Variants in LRRC75B observed in about 807,000 individuals in gnomAD.
LRRC75B encodes the protein leucine rich repeat containing 75B.
LRRC75B carries 20 observed loss-of-function variants against 16.5 expected under a neutral mutation model. The observed-to-expected ratio is 1.21, with a 90% CI of 0.85 to 1.76. LRRC75B has a LOEUF of 1.76. Ranked by LOEUF, LRRC75B falls within the 40% of genes most tolerant of loss-of-function variation. The pLI, the probability that LRRC75B is intolerant of heterozygous loss-of-function variation, is 0.00. For synonymous variants in LRRC75B, 199 were observed against 198.1 expected, an observed-to-expected ratio of 1.00 and a Z score of -0.04; for missense variants, 406 against 417.0, an observed-to-expected ratio of 0.97 and a Z score of 0.23.
Position 24,585,849 on chromosome 22 carries a change from T to G in LRRC75B, c.*37A>C. ...GCCCACTATCATGTGCTTGAGAGCA[T>G]CACAAGTCAGTAGCAATGAGCCAGG... On this transcript the variant is annotated 3_prime_UTR_variant, in exon 4 of 4. Coordinates refer to ENST00000318753, the MANE Select transcript of LRRC75B (RefSeq NM_207644.3). 1 of 1,522,228 alleles carries G rather than the reference T, an allele frequency of 6.6e-7. No homozygotes were observed. Among genetic ancestry groups the G allele is most frequent in the Non-Finnish European group, 8.8e-7 (1 of 1,136,388 alleles). 94.3% of individuals were successfully genotyped at this position (1,522,228 alleles called of 1,614,324 possible). A position where few individuals can be genotyped will look rare whatever the true frequency, so the allele number is the denominator to read the frequency against.
At position 24,592,961 on chromosome 22, in the gene LRRC75B, G is replaced by A. The variant is rs1385485314; in HGVS notation, c.79C>T (p.Pro27Ser). The change falls in exon 1 of 4, where the codon CCC becomes TCC. Residue 27 changes from proline to serine, a missense_variant. Coordinates refer to ENST00000318753, the MANE Select transcript of LRRC75B (RefSeq NM_207644.3). ...AGCCACCGCACCCGGCGCTCGTAGG[G>A]CGCGGGCCCGCAGCCGGCCGCCGCC... ...AGAAAGCGPA[P>S]YERRVRWLRE... 5.9e-6 allele frequency: 7 copies of A among 1,191,518 alleles called. No individual in the cohort carries two copies. Among genetic ancestry groups the A allele is most frequent in the South Asian group, 7.9e-5 (2 of 25,430 alleles). The allele number at this position is 1,191,518 out of a possible 1,614,324, so 73.8% of individuals were successfully genotyped here.
chr22:24,591,100 A>G (rs1243028299), intron 1 of LRRC75B, among the ~76,000 whole-genome samples: 1 of 152,178 alleles, frequency 6.6e-6, no homozygotes, highest in Non-Finnish European at 1.5e-5. Context: ...TTGTTTTGAG[A>G]CGGAGTTTTG....
At chr22:24,592,631 C>G in intron 1 of LRRC75B, 3 of 619,278 alleles carry the variant, frequency 4.8e-6, no homozygotes, top group Admixed American at 6.9e-5. Flanking sequence ...TCCACACGGT[C>G]CGCCGACCTC....
At chr22:24,589,344 G>C (rs1368578236) in intron 2 of LRRC75B, 1 of 1,146,562 alleles carries the variant, frequency 8.7e-7, no homozygotes, top group African/African-American at 1.7e-5. Context: ...GCTGTTGTAG[G>C]GGAAAGCAGT....
At chr22:24,587,332 A>G (rs1471045989) in intron 3 of LRRC75B, among the ~76,000 whole-genome samples, 1 of 152,176 alleles carries the variant, frequency 6.6e-6, no homozygotes, top group East Asian at 1.9e-4. Flanking sequence ...TCAGAGACTG[A>G]GAAGGACCCC....
intron 2 of LRRC75B, 121 bp from the exon 3 acceptor site, chr22:24,588,450 C>G (rs778285258): frequency 6.0e-6 from 5 of 828,104 alleles, no homozygotes; most frequent in Admixed American, 4.3e-5. Flanking sequence ...CATGCATCAC[C>G]GAGTTGCCCA....
In LRRC75B at chr22:24,589,821, C is replaced by G. The variant is rs369171275; in HGVS notation, c.306G>C (p.Lys102Asn). 7.1e-5 allele frequency: 114 copies of G among 1,612,006 alleles called. No individual in the cohort carries two copies. In the African/African-American group the frequency reaches 1.3e-3, roughly 19 times the overall value. Residue 102 changes from lysine to asparagine, a missense_variant and splice_region_variant, in exon 2 of 4, where the codon AAG (lysine) becomes AAC (asparagine). Lys to Asn is a moderately conservative substitution (Grantham distance 94, BLOSUM62 0). Transcript: ENST00000318753. ...NLARDLQCPK[K>N]DYELWKSSDK... is the part of the protein sequence containing the mutation. ...CAGGGCCCGTGCCTGCCAGCCTCAC[C>G]TTCTTGGGGCACTGCAGGTCCCGGG...
chr22:24,585,739 G>T lies in LRRC75B; in HGVS notation c.*147C>A. On this transcript the variant is annotated 3_prime_UTR_variant, in exon 4 of 4. Transcript: ENST00000318753. ...CAGGGCTGGCCACCTGGCCACCTATGAGTCCATTCTTCTGTCCCCTTAATC... is the reference window on the plus strand; with the variant it reads ...CAGGGCTGGCCACCTGGCCACCTATTAGTCCATTCTTCTGTCCCCTTAATC... 1 of 950,234 alleles carries T rather than the reference G, an allele frequency of 1.1e-6. No individual in the cohort carries two copies. The highest frequency in any genetic ancestry group is 1.5e-6 in the Non-Finnish European group (1 of 657,438). 58.9% of individuals were successfully genotyped at this position (950,234 alleles called of 1,614,324 possible).
At chr22:24,587,430 A>G (rs1044999488) in intron 3 of LRRC75B, among the ~76,000 whole-genome samples, 4 of 152,184 alleles carry the variant, frequency 2.6e-5, no homozygotes, top group African/African-American at 7.2e-5. Flanking sequence ...GACAGCAGTG[A>G]GCACACCCTC....
chr22:24,590,044 G>A, intron 1 of LRRC75B, 95 bp from the exon 2 acceptor site: 1 of 1,371,682 alleles, frequency 7.3e-7, no homozygotes, highest in Non-Finnish European at 9.7e-7. Context: ...GCCCGTTCCT[G>A]TCTCTCCATC....
At chr22:24,591,344 G>C (rs1353125411) in intron 1 of LRRC75B, among the ~76,000 whole-genome samples, 1 of 152,240 alleles carries the variant, frequency 6.6e-6, no homozygotes. Context: ...CTCCCAAAGT[G>C]CTGGGATTAT....
Position 24,587,297 on chromosome 22 carries a change from G to A in LRRC75B, c.423-886C>T, listed in dbSNP as rs377508743. Among the ~76,000 whole-genome samples the A allele has an allele frequency of 5.9e-5, 9 of 152,280 alleles. No homozygotes were observed. In the South Asian group the frequency reaches 6.2e-4, roughly 11 times the overall value. ...GGCCGGCCATGAGGGAGGGCTCCCC[G>A]TGTTTTCTCAGTTAGAAGGGAAGTT... On this transcript the variant is annotated intron_variant, in intron 3 of 3. Transcript: ENST00000318753.
chr22:24,586,270 G>T lies in LRRC75B; in HGVS notation c.564C>A (p.Ser188Arg). Reference sequence around the variant, plus strand: ...GCAGCTCATCACTCAGCCCCGTGAAGCTCAGGTCCAGCACCGCCAGCACAG... The same window carrying T: ...GCAGCTCATCACTCAGCCCCGTGAATCTCAGGTCCAGCACCGCCAGCACAG... ...HGAVLAVLDL[S>R]FTGLSDELLH... Residue 188 changes from serine (S) to arginine (R), a missense_variant, in exon 4 of 4, where the codon AGC becomes AGA. Physicochemically the swap from Ser to Arg is moderately radical, Grantham distance 110. Transcript: ENST00000318753. The T allele has an allele frequency of 6.2e-7, 1 of 1,613,896 alleles. No individual in the cohort carries two copies. The highest frequency in any genetic ancestry group is 8.5e-7 in the Non-Finnish European group (1 of 1,180,042).
intron 1 of LRRC75B, 64 bp from the exon 2 acceptor site, chr22:24,590,013 A>AGATGG: frequency 2.0e-6 from 3 of 1,478,828 alleles, no homozygotes; most frequent in Middle Eastern, 3.6e-4. Flanking sequence ...GCACCACCCC[A>AGATGG]GCCAGCCAGA....
intron 1 of LRRC75B, 49 bp downstream of exon 1, chr22:24,592,814 C>T (rs1278875767): frequency 1.3e-5 from 16 of 1,268,252 alleles, no homozygotes; most frequent in Non-Finnish European, 1.6e-5. Context: ...CCCAGACCCC[C>T]AGACCCTCCC....
rs2045390882 is a variant in LRRC75B at position 24,586,293 on chromosome 22, C to T, written c.541G>A (p.Val181Met). The T allele has an allele frequency of 6.2e-7, 1 of 1,614,006 alleles. No individual in the cohort carries two copies. The highest frequency in any genetic ancestry group is 1.3e-5 in the African/African-American group (1 of 75,072). Reference sequence around the variant, plus strand: ...AAGCTCAGGTCCAGCACCGCCAGCACAGCACCATGGCTGCTCAGGTAGCGT... The same window carrying T: ...AAGCTCAGGTCCAGCACCGCCAGCATAGCACCATGGCTGCTCAGGTAGCGT... ...ITRYLSSHGAVLAVLDLSFTG... is the reference protein window; with the variant it reads ...ITRYLSSHGAMLAVLDLSFTG... Residue 181 changes from valine (V) to methionine (M), a missense_variant, in exon 4 of 4, where the codon GTG becomes ATG. Transcript: ENST00000318753.
chr22:24,591,450 A>T (rs2045564457), intron 1 of LRRC75B, among the ~76,000 whole-genome samples: 2 of 152,192 alleles, frequency 1.3e-5, no homozygotes, highest in Admixed American at 1.3e-4. Flanking sequence ...TCTAGACCCC[A>T]TGTGGGCCTT....
At chr22:24,589,037 C>A (rs2045487159) in intron 2 of LRRC75B, 1 of 1,022,586 alleles carries the variant, frequency 9.8e-7, no homozygotes, top group Admixed American at 5.8e-5. Context: ...CAAGCCCTGG[C>A]TGTTCCTGTG....
chr22:24,590,468 TG>T (rs2045536562), intron 1 of LRRC75B, among the ~76,000 whole-genome samples: 2 of 151,968 alleles, frequency 1.3e-5, no homozygotes, highest in South Asian at 2.1e-4. Flanking sequence ...CTCAGGGAAG[TG>T]GTAAGTGAAT....
Sources: gnomAD v4.1 joint callset for allele counts (sites outside exome capture counted in the v4.1 genomes callset) on GRCh38, gnomAD v4.1.1 for gene constraint, MANE v1.5 for transcripts, NCBI Gene and HGNC (gene_info 2026-07-23, HGNC 2026-07-21) for gene names.